XDH: variants seen among roughly 807,000 people sequenced by gnomAD.
The protein encoded by XDH is xanthine dehydrogenase, also known as xanthine dehydrogenase/oxidase.
Under a neutral mutation model 156.1 loss-of-function variants are expected in XDH, and 138 were observed. The observed-to-expected ratio is 0.88, with a 90% confidence interval of 0.77 to 1.02. The LOEUF is 1.02. Ranked by LOEUF, XDH falls within the 50% of genes least tolerant of loss-of-function variation. The pLI is 0.00. For missense variants in XDH, 1,849 were observed against 1,684.9 expected, an observed-to-expected ratio of 1.10 and a Z score of -1.71; for synonymous variants, 669 against 625.7, an observed-to-expected ratio of 1.07 and a Z score of -1.03.
At chr2:31,376,447 A>G (rs1686246501) in intron 14 of XDH, among the ~76,000 whole-genome samples, 1 of 149,158 alleles carries the variant, frequency 6.7e-6, no homozygotes, top group African/African-American at 2.4e-5. Context: ...TAGTAGTAGT[A>G]GCAGTAACAG....
intron 1 of XDH, among the ~76,000 whole-genome samples, chr2:31,410,752 T>A (rs1311539018): frequency 6.6e-6 from 1 of 152,054 alleles, no homozygotes; most frequent in Non-Finnish European, 1.5e-5. Flanking sequence ...AAAAAAAAAC[T>A]GGCCTGTTCT....
At chr2:31,348,866 G>C in intron 27 of XDH, 33 bp downstream of exon 27, 1 of 1,570,098 alleles carries the variant, frequency 6.4e-7, no homozygotes, top group Non-Finnish European at 8.8e-7. Context: ...TCCCAGTCCA[G>C]CGGAGATGGA....
chr2:31,385,606 A>G (rs1558306843), intron 9 of XDH, among the ~76,000 whole-genome samples: 1 of 152,252 alleles, frequency 6.6e-6, no homozygotes, highest in Non-Finnish European at 1.5e-5. Flanking sequence ...CTTGGGATCC[A>G]GCAAAGTAGA....
At chr2:31,402,941 T>C in intron 3 of XDH, 107 bp downstream of exon 3, 1 of 1,211,034 alleles carries the variant, frequency 8.3e-7, no homozygotes. Context: ...AAACAGGGGC[T>C]CACACATGCG....
chr2:31,383,905 C>G, intron 9 of XDH, 58 bp from the exon 10 acceptor site: 6 of 1,491,488 alleles, frequency 4.0e-6, no homozygotes, highest in Non-Finnish European at 5.6e-6. Flanking sequence ...CAGGGCAGGC[C>G]TTAGCAGCTT....
chr2:31,392,770 T>C (rs1686802396), intron 6 of XDH, among the ~76,000 whole-genome samples: 1 of 152,230 alleles, frequency 6.6e-6, no homozygotes, highest in Non-Finnish European at 1.5e-5. Flanking sequence ...TTCAATACTA[T>C]AAATTTCCCT....
intron 6 of XDH, among the ~76,000 whole-genome samples, chr2:31,393,196 G>A (rs1686813087): frequency 6.6e-6 from 1 of 152,012 alleles, no homozygotes; most frequent in Non-Finnish European, 1.5e-5. Flanking sequence ...ACTGATTTTT[G>A]GCCTGGTGCT....
chr2:31,380,835 C>T (rs780613787), intron 12 of XDH, among the ~76,000 whole-genome samples: 1 of 152,138 alleles, frequency 6.6e-6, no homozygotes, highest in Non-Finnish European at 1.5e-5. Flanking sequence ...CACTGGAGCA[C>T]ATAATTGTAG....
rs184920756 is a variant in XDH, at chr2:31,358,889, T to G, written c.2631+5269A>C. 4.2e-3 allele frequency among the ~76,000 whole-genome samples: 637 copies of G among 152,270 alleles called. 4 individuals are homozygous for G. Among genetic ancestry groups the G allele is most frequent in the African/African-American group, 0.015 (618 of 41,548 alleles). The stretch of plus-strand genomic sequence containing the variant: ...AGGAAGGATATATGACCTATAGTTC[T>G]GCAAGGTCTGGCTAGCCATCTCAGT... On this transcript the variant is annotated intron_variant, in intron 24 of 35. Transcript: ENST00000379416.
At chr2:31,345,868 G>A (rs76661498) in intron 30 of XDH, among the ~76,000 whole-genome samples, 135 of 152,256 alleles carry the variant, frequency 8.9e-4, no homozygotes, top group East Asian at 5.2e-3. Flanking sequence ...CATTGTTGTC[G>A]GGACTGTTGT....
intron 8 of XDH, 131 bp from the exon 9 acceptor site, chr2:31,386,686 G>T: frequency 8.0e-7 from 1 of 1,251,154 alleles, no homozygotes. Context: ...GAAGAAGCAA[G>T]GGGAAGTAAT....
At chr2:31,364,573 G>T (rs1347325320) in intron 23 of XDH, among the ~76,000 whole-genome samples, 4 of 152,102 alleles carry the variant, frequency 2.6e-5, no homozygotes, top group African/African-American at 4.8e-5. Flanking sequence ...CGATAGGGCG[G>T]GGGGGAAGCG....
At chr2:31,402,918 A>T in intron 3 of XDH, 130 bp downstream of exon 3, 1 of 975,610 alleles carries the variant, frequency 1.0e-6, no homozygotes, top group Non-Finnish European at 1.6e-6. Context: ...TCCTGTGCAC[A>T]GATTCTCCAT....
intron 14 of XDH, among the ~76,000 whole-genome samples, chr2:31,376,534 T>C (rs1487994665): frequency 6.7e-6 from 1 of 149,370 alleles, no homozygotes; most frequent in East Asian, 1.9e-4. Flanking sequence ...ATAACAGCAG[T>C]AATAGTAGTA....
intron 4 of XDH, 110 bp downstream of exon 4, chr2:31,401,110 G>C (rs1365157938): frequency 2.5e-6 from 3 of 1,199,332 alleles, no homozygotes; most frequent in African/African-American, 3.0e-5. Flanking sequence ...CTTAGATTAA[G>C]CAGTGAAACT....
At chr2:31,413,457 T>C (rs1687394778) in intron 1 of XDH, among the ~76,000 whole-genome samples, 1 of 152,134 alleles carries the variant, frequency 6.6e-6, no homozygotes, top group South Asian at 2.1e-4. Flanking sequence ...TCCCCAGCAC[T>C]TCCCAAAGGC....
Position 31,379,877 on chromosome 2 carries a change from T to C in XDH, c.1232A>G (p.Tyr411Cys), listed in dbSNP as rs767545563. 1.9e-6 allele frequency: 3 copies of C among 1,614,016 alleles called. No individual in the cohort carries two copies. Among genetic ancestry groups the C allele is most frequent in the South Asian group, 1.1e-5 (1 of 91,084 alleles). ...CTTCCAACATCTCACCTCCCTGCTG[T>C]AGGGGATCTCTATGGAGAGCAGTAT... ...EEILLSIEIP[Y>C]SREGEYFSAF... is the part of the protein sequence containing the mutation. Residue 411 changes from tyrosine (Y) to cysteine (C), a missense_variant, in exon 13 of 36, where the codon TAC (tyrosine) becomes TGC (cysteine). Physicochemically the swap from Tyr to Cys is radical, Grantham distance 194. Transcript: ENST00000379416.
At chr2:31,379,105 T>A (rs1217357451) in intron 13 of XDH, among the ~76,000 whole-genome samples, 2 of 152,182 alleles carry the variant, frequency 1.3e-5, no homozygotes, top group African/African-American at 4.8e-5. Flanking sequence ...CTCTCCCAGA[T>A]GCCTTTTCTG....
intron 28 of XDH, among the ~76,000 whole-genome samples, 191 bp from the exon 29 acceptor site, chr2:31,347,841 A>G (rs1685344405): frequency 6.6e-6 from 1 of 152,196 alleles, no homozygotes; most frequent in Non-Finnish European, 1.5e-5. Context: ...CGGTTGGATA[A>G]AAAATTCATA....
Sources: allele counts gnomAD v4.1 joint callset (sites outside exome capture counted in the v4.1 genomes callset), GRCh38; gene constraint gnomAD v4.1.1; transcripts MANE v1.5; gene names NCBI Gene and HGNC (gene_info 2026-07-23, HGNC 2026-07-21).